Variants in FGGY observed in about 807,000 individuals in gnomAD.
The protein encoded by FGGY is FGGY carbohydrate kinase domain containing.
In FGGY, 72 loss-of-function variants were observed where a neutral mutation model predicts 71.3. The observed-to-expected ratio is 1.01, with a 90% CI of 0.84 to 1.23. FGGY has a LOEUF of 1.23. FGGY is among the 50% of genes most tolerant of loss of function. The pLI, the probability that FGGY is intolerant of heterozygous loss-of-function variation, is 0.00. For missense variants in FGGY, 668 were observed against 682.3 expected (o/e 0.98, Z 0.23); for synonymous variants, 251 against 250.3 (o/e 1.00, Z -0.02).
chr1:59,392,664 A>C (rs1187052813), intron 5 of FGGY, among the ~76,000 whole-genome samples: 2 of 152,160 alleles, frequency 1.3e-5, no homozygotes, highest in East Asian at 3.9e-4. Context: ...AAAATGCTGT[A>C]CCCTTTCCTT....
At chr1:59,447,174 ATGAAAATAAAGATGG>A (rs2071474933) in intron 5 of FGGY, among the ~76,000 whole-genome samples, 1 of 152,216 alleles carries the variant, frequency 6.6e-6, no homozygotes, top group Non-Finnish European at 1.5e-5. Context: ...ACTAAAGATG[ATGAAAATAAAGATGG>A]TGATTATAGT....
At chr1:59,362,929 A>AT (rs920025973) in intron 4 of FGGY, among the ~76,000 whole-genome samples, 1 of 152,146 alleles carries the variant, frequency 6.6e-6, no homozygotes, top group Non-Finnish European at 1.5e-5. Context: ...CTGACAGACC[A>AT]TTTTTTTGCA....
intron 8 of FGGY, among the ~76,000 whole-genome samples, chr1:59,601,285 G>A (rs755345245): frequency 1.3e-5 from 2 of 152,200 alleles, no homozygotes; most frequent in African/African-American, 2.4e-5. Context: ...CAGAACAAAC[G>A]GAGCTGGAGC....
chr1:59,425,321 T>TATAATAGATTATAATA (rs2066158209), intron 5 of FGGY, among the ~76,000 whole-genome samples: 1 of 152,196 alleles, frequency 6.6e-6, no homozygotes, highest in Admixed American at 6.5e-5. Flanking sequence ...TTCCAGTATT[T>TATAATAGATTATAATA]TTATGGCCTT....
intron 11 of FGGY, among the ~76,000 whole-genome samples, chr1:59,653,427 C>T (rs962137524): frequency 1.1e-4 from 16 of 152,056 alleles, no homozygotes; most frequent in South Asian, 4.1e-4. Flanking sequence ...TAGGACCCTC[C>T]GAGCCAGGTG....
intron 8 of FGGY, among the ~76,000 whole-genome samples, chr1:59,589,569 G>T (rs1000278748): frequency 2.6e-5 from 4 of 152,154 alleles, no homozygotes; most frequent in African/African-American, 9.7e-5. Flanking sequence ...TAAAAGAACA[G>T]AAATTATAAC....
chr1:59,749,898 G>A (rs766599576), intron 14 of FGGY, among the ~76,000 whole-genome samples: 1 of 152,158 alleles, frequency 6.6e-6, no homozygotes, highest in Non-Finnish European at 1.5e-5. Context: ...CTGGCAGTCT[G>A]TTATAGTCAG....
At chr1:59,702,286 T>C (rs1192905187) in intron 14 of FGGY, among the ~76,000 whole-genome samples, 1 of 152,202 alleles carries the variant, frequency 6.6e-6, no homozygotes, top group Non-Finnish European at 1.5e-5. Context: ...AAAGGCATTT[T>C]TATTAATTTA....
chr1:59,310,489 A>G (rs1446205798), intron 1 of FGGY, among the ~76,000 whole-genome samples: 1 of 152,192 alleles, frequency 6.6e-6, no homozygotes, highest in Non-Finnish European at 1.5e-5. Context: ...CTAGTTTTGT[A>G]ATTGGCATAT....
intron 14 of FGGY, chr1:59,697,716 ACT>A (rs1237233720): frequency 9.2e-6 from 12 of 1,301,260 alleles, no homozygotes; most frequent in South Asian, 3.7e-5. Flanking sequence ...AAGAAATCAG[ACT>A]CTCTTCTTCC....
intron 4 of FGGY, among the ~76,000 whole-genome samples, chr1:59,374,886 C>T (rs1370100921): frequency 1.6e-5 from 2 of 121,754 alleles, no homozygotes; most frequent in African/African-American, 3.3e-5. Flanking sequence ...GGAAGGGGAA[C>T]ATCACACTCT....
intron 11 of FGGY, among the ~76,000 whole-genome samples, chr1:59,644,642 C>T (rs1038640920): frequency 2.0e-5 from 3 of 150,794 alleles, no homozygotes; most frequent in African/African-American, 7.4e-5. Flanking sequence ...AAGAAAAATG[C>T]TTACTTTTAA....
At chr1:59,632,524 G>A (rs1246917795) in intron 10 of FGGY, among the ~76,000 whole-genome samples, 6 of 152,004 alleles carry the variant, frequency 3.9e-5, no homozygotes, top group Non-Finnish European at 7.4e-5. Flanking sequence ...TCTATATCGC[G>A]AATCGCAGAT....
In FGGY at chr1:59,421,014, T is replaced by A. The variant is rs569558029; in HGVS notation, c.555-35947T>A. On this transcript the variant is annotated intron_variant, in intron 5 of 15. Coordinates refer to ENST00000303721, the MANE Select transcript of FGGY (RefSeq NM_018291.5). ...CAGTGTTGTCTTACAATCATTAATT[T>A]AAAAAAAAAAAGTTTCCCAAGTATT... 3.1e-3 allele frequency among the ~76,000 whole-genome samples: 452 copies of A among 147,938 alleles called. 3 individuals carry two copies. The highest frequency in any genetic ancestry group is 0.011 in the African/African-American group (427 of 40,628).
rs142364333 is a variant in FGGY, at chr1:59,646,041, G to C, written c.1221+7666G>C. ...AGGAAGCACTGGGAGATCTTAGCCA[G>C]TTTCCAAGGGACTGAATCCCAGCTA... On this transcript the variant is annotated intron_variant, in intron 11 of 15. Transcript: ENST00000303721. Among the ~76,000 whole-genome samples, 1,250 of 152,318 alleles carry C rather than the reference G, an allele frequency of 8.2e-3. 8 individuals are homozygous for C. Among genetic ancestry groups the C allele is most frequent in the Non-Finnish European group, 0.012 (827 of 68,016 alleles).
chr1:59,494,044 C>G (rs1037434817), intron 6 of FGGY, among the ~76,000 whole-genome samples: 1 of 152,092 alleles, frequency 6.6e-6, no homozygotes, highest in African/African-American at 2.4e-5. Flanking sequence ...GGGAGGAAGG[C>G]AGGGTTTGTA....
intron 7 of FGGY, among the ~76,000 whole-genome samples, chr1:59,540,400 C>T (rs1037473502): frequency 6.6e-6 from 1 of 152,124 alleles, no homozygotes; most frequent in African/African-American, 2.4e-5. Context: ...TTTATGGCAA[C>T]AAAAATGTAC....
chr1:59,460,426 A>G (rs1448666061), intron 6 of FGGY, among the ~76,000 whole-genome samples: 2 of 152,204 alleles, frequency 1.3e-5, no homozygotes, highest in Admixed American at 6.5e-5. Flanking sequence ...AGCCCACCAC[A>G]GCTCATCTAG....
chr1:59,461,469 A>G (rs1459365305), intron 6 of FGGY, among the ~76,000 whole-genome samples: 1 of 152,236 alleles, frequency 6.6e-6, no homozygotes, highest in Non-Finnish European at 1.5e-5. Flanking sequence ...AGTGACGGGA[A>G]GAATGGAAAC....
Sources: allele counts gnomAD v4.1 joint callset (sites outside exome capture counted in the v4.1 genomes callset), GRCh38; gene constraint gnomAD v4.1.1; transcripts MANE v1.5; gene names NCBI Gene and HGNC (gene_info 2026-07-23, HGNC 2026-07-21).